The following SCRN1 variants were observed in gnomAD, a reference collection of about 807,000 sequenced individuals.
SCRN1 encodes the protein secernin-1.
A neutral mutation model predicts 43.3 loss-of-function variants in SCRN1; 19 were observed. That is an observed-to-expected ratio of 0.44 (90% CI 0.31 to 0.64). The LOEUF (loss-of-function observed/expected upper bound fraction) is 0.64, where lower values mean the gene tolerates loss of function less well. Ranked by LOEUF, SCRN1 falls within the 30% of genes least tolerant of loss-of-function variation. The pLI, the probability that SCRN1 is intolerant of heterozygous loss-of-function variation, is 0.09. For missense variants in SCRN1, 447 were observed against 524.1 expected (o/e 0.85, Z 1.44); for synonymous variants, 183 against 188.9 (o/e 0.97, Z 0.26).
At chr7:29,931,919 C>T (rs919368618) in intron 6 of SCRN1, among the ~76,000 whole-genome samples, 4 of 152,132 alleles carry the variant, frequency 2.6e-5, no homozygotes, top group African/African-American at 9.7e-5. Context: ...CCACTTTAAT[C>T]ATAGAGTCAA....
chr7:29,942,323 A>G (rs1021055656), intron 4 of SCRN1, among the ~76,000 whole-genome samples: 2 of 152,260 alleles, frequency 1.3e-5, no homozygotes, highest in Non-Finnish European at 2.9e-5. Context: ...TGCTGGGATC[A>G]GACGACATGA....
chr7:29,983,284 T>A (rs1431461446), intron 1 of SCRN1, among the ~76,000 whole-genome samples: 1 of 132,878 alleles, frequency 7.5e-6, no homozygotes, highest in Non-Finnish European at 1.6e-5. Flanking sequence ...TCTTAAGACT[T>A]TATGGTGGGG....
intron 2 of SCRN1, among the ~76,000 whole-genome samples, chr7:29,958,763 A>C (rs992377155): frequency 6.6e-6 from 1 of 152,220 alleles, no homozygotes; most frequent in Non-Finnish European, 1.5e-5. Flanking sequence ...GCCTTTCATA[A>C]AATAAATCTG....
At chr7:29,987,258 T>C (rs1789190337) in intron 1 of SCRN1, among the ~76,000 whole-genome samples, 1 of 152,242 alleles carries the variant, frequency 6.6e-6, no homozygotes, top group Admixed American at 6.5e-5. Flanking sequence ...TTTCTAGCTC[T>C]GCTTTAGTAG....
At position 29,965,335 on chromosome 7, in the gene SCRN1, G is replaced by A. The variant is rs192888875; in HGVS notation, c.159+3574C>T. 7.2e-5 allele frequency among the ~76,000 whole-genome samples: 11 copies of A among 152,218 alleles called. No individual in the cohort carries two copies. The highest frequency in any genetic ancestry group is 1.3e-4 in the Admixed American group (2 of 15,280). The stretch of plus-strand genomic sequence containing the variant: ...GTAACCCTGTAGGGAGAAGAACCCA[G>A]GAGAAAGAGACCCAGGGACAAATGA... On this transcript the variant is annotated intron_variant, in intron 2 of 7. Coordinates refer to ENST00000242059, the MANE Select transcript of SCRN1 (RefSeq NM_014766.5). The surrounding 1 kb of genome is among the most constrained non-coding windows in gnomAD (Gnocchi z 4.2).
Position 29,926,501 on chromosome 7 carries a change from T to C in SCRN1, c.1037A>G (p.Glu346Gly). Residue 346 changes from glutamate to glycine, a missense_variant, in exon 7 of 8, where the codon GAG becomes GGG. By Grantham distance (98) the Glu-to-Gly change is moderately conservative. Transcript: ENST00000242059. ...RFQEKPDRRH[E>G]LYKAHEWARA... The stretch of plus-strand genomic sequence containing the variant: ...TGCCCACTCGTGGGCTTTGTACAGC[T>C]CATGCCGGCGGTCTGGTTTCTCCTG... 1.2e-6 allele frequency: 2 copies of C among 1,614,106 alleles called. No homozygotes were observed. Among genetic ancestry groups the C allele is most frequent in the Non-Finnish European group, 1.7e-6 (2 of 1,180,022 alleles).
At chr7:29,981,619 C>G (rs536282603) in intron 1 of SCRN1, among the ~76,000 whole-genome samples, 1 of 152,204 alleles carries the variant, frequency 6.6e-6, no homozygotes, top group African/African-American at 2.4e-5. Flanking sequence ...AGGCCCCAGG[C>G]TCTCTATCTA....
intron 1 of SCRN1, among the ~76,000 whole-genome samples, chr7:29,977,784 A>G (rs79914355): frequency 0.031 from 4,689 of 152,320 alleles, 197 homozygotes; most frequent in African/African-American, 0.09. Flanking sequence ...CCAAGCTTTT[A>G]TAAAAAAGGG....
intron 4 of SCRN1, among the ~76,000 whole-genome samples, chr7:29,941,595 T>A (rs1220727953): frequency 6.6e-6 from 1 of 152,170 alleles, no homozygotes; most frequent in Non-Finnish European, 1.5e-5. Flanking sequence ...CGTGTGTGTA[T>A]GTGTTTGAAA....
chr7:29,937,667 C>A (rs756900716), intron 5 of SCRN1, among the ~76,000 whole-genome samples: 2 of 152,146 alleles, frequency 1.3e-5, no homozygotes, highest in Non-Finnish European at 2.9e-5. Flanking sequence ...CACAGAGAGG[C>A]ATTTAGAATA....
intron 3 of SCRN1, among the ~76,000 whole-genome samples, chr7:29,952,544 G>T (rs1043388203): frequency 6.6e-5 from 10 of 152,036 alleles, no homozygotes; most frequent in Non-Finnish European, 1.5e-4. Context: ...ACAAAAATTA[G>T]CTGGGTGTGG....
intron 5 of SCRN1, among the ~76,000 whole-genome samples, chr7:29,939,494 G>A (rs1583659391): frequency 6.6e-6 from 1 of 152,266 alleles, no homozygotes; most frequent in African/African-American, 2.4e-5. Context: ...GTGATTACAA[G>A]CATGCACCTG....
At chr7:29,936,874 G>A (rs1308013291) in intron 5 of SCRN1, among the ~76,000 whole-genome samples, 153 bp from the exon 6 acceptor site, 1 of 152,010 alleles carries the variant, frequency 6.6e-6, no homozygotes, top group Non-Finnish European at 1.5e-5. Context: ...GTGAAACCCC[G>A]TCTGTACTAA....
intron 6 of SCRN1, among the ~76,000 whole-genome samples, chr7:29,935,885 T>C (rs1186956862): frequency 6.6e-6 from 1 of 152,238 alleles, no homozygotes; most frequent in African/African-American, 2.4e-5. Flanking sequence ...ATCCCCATTG[T>C]ACAAACACAG....
intron 6 of SCRN1, among the ~76,000 whole-genome samples, chr7:29,927,303 C>T (rs1168726935): frequency 1.3e-5 from 2 of 152,012 alleles, no homozygotes; most frequent in African/African-American, 2.4e-5. Flanking sequence ...AATGGCTGTG[C>T]GTATGCCTGC....
intron 1 of SCRN1, among the ~76,000 whole-genome samples, chr7:29,989,427 C>T (rs955892618): frequency 6.6e-6 from 1 of 152,096 alleles, no homozygotes; most frequent in Non-Finnish European, 1.5e-5. Context: ...CGAGCCGAGT[C>T]ACCCCGGCTT....
intron 2 of SCRN1, among the ~76,000 whole-genome samples, chr7:29,964,224 T>C (rs1463814825): frequency 6.6e-6 from 1 of 152,250 alleles, no homozygotes; most frequent in Non-Finnish European, 1.5e-5. Context: ...CAAATATTTA[T>C]AGCAGCTATG....
In SCRN1 at chr7:29,966,204, A is replaced by AGG. The variant is rs1554360370; in HGVS notation, c.159+2704_159+2705insCC. Among the ~76,000 whole-genome samples the AGG allele has an allele frequency of 9.6e-5, 14 of 145,594 alleles. 1 individual carries two copies. The highest frequency in any genetic ancestry group is 2.0e-4 in the Non-Finnish European group (13 of 66,246). On this transcript the variant is annotated intron_variant, in intron 2 of 7. Transcript: ENST00000242059. ...GAGAGAGAGAGAGAGAGAGAGAGAG[A>AGG]AGCTGTATCCTTTTATGGCCCAGCC...
rs765102266 is a variant in SCRN1, at chr7:29,926,643, A to G, written c.906-11T>C. 6 of 1,588,546 alleles carry G rather than the reference A, an allele frequency of 3.8e-6. No individual in the cohort carries two copies. The Admixed American group carries it at 5.1e-5, about 13-fold the overall frequency. On this transcript the variant is annotated splice_polypyrimidine_tract_variant and intron_variant, in intron 6 of 7. Transcript: ENST00000242059. ...GGCTTGAATATGGACCTGGAGAGGA[A>G]GGAGAGGCACTTCAGCCAGGCAGAG...
Sources: gnomAD v4.1 joint callset for allele counts (sites outside exome capture counted in the v4.1 genomes callset) on GRCh38, gnomAD v4.1.1 for gene constraint, Gnocchi (gnomAD v3.1) non-coding constraint, MANE v1.5 for transcripts, NCBI Gene and HGNC (gene_info 2026-07-23, HGNC 2026-07-21) for gene names.